The following PHF14 variants were observed in gnomAD, a reference collection of about 807,000 sequenced individuals.
PHF14 encodes PHD finger protein 14.
In PHF14, 55 loss-of-function variants were observed where a neutral mutation model predicts 117.9. The ratio of observed to expected loss-of-function variants is 0.47; its 90% CI spans 0.38 to 0.58. The LOEUF (loss-of-function observed/expected upper bound fraction) is 0.58. Ranked by LOEUF, PHF14 falls within the 20% of genes least tolerant of loss-of-function variation. The pLI, the probability that PHF14 is intolerant of heterozygous loss-of-function variation, is 0.00. For missense variants in PHF14, 978 were observed against 1,122.2 expected (o/e 0.87, Z 1.84); for synonymous variants, 409 against 368.6 (o/e 1.11, Z -1.26).
intron 16 of PHF14, among the ~76,000 whole-genome samples, chr7:11,094,338 T>G (rs367855064): frequency 6.6e-6 from 1 of 152,200 alleles, no homozygotes; most frequent in Non-Finnish European, 1.5e-5. Flanking sequence ...CTAGAGTGTT[T>G]GGGGGTAGAA....
intron 4 of PHF14, among the ~76,000 whole-genome samples, chr7:11,004,163 C>T (rs1197652351): frequency 1.4e-5 from 2 of 146,792 alleles, no homozygotes; most frequent in South Asian, 2.2e-4. Flanking sequence ...CAGAGGATCG[C>T]TTGAGCCAGG....
chr7:11,062,603 TTGA>T, intron 16 of PHF14: 2 of 716,982 alleles, frequency 2.8e-6, no homozygotes. Flanking sequence ...ATGGCCTAGG[TTGA>T]TTTTATTTTT....
intron 17 of PHF14, 81 bp from the exon 18 acceptor site, chr7:11,169,335 G>T: frequency 1.6e-6 from 1 of 631,282 alleles, no homozygotes; most frequent in Non-Finnish European, 2.8e-6. Context: ...TAGTTCTACA[G>T]ATGCAGTTAA....
chr7:10,995,260 T>A (rs1277763379), intron 4 of PHF14, among the ~76,000 whole-genome samples: 1 of 151,810 alleles, frequency 6.6e-6, no homozygotes, highest in Non-Finnish European at 1.5e-5. Context: ...GATTGGTATA[T>A]TTACAATCCC....
intron 16 of PHF14, chr7:11,106,040 G>A (rs1025185701): frequency 1.1e-4 from 108 of 984,166 alleles, no homozygotes; most frequent in Middle Eastern, 5.2e-4. Context: ...AAGCAGACAT[G>A]TTTCAGGTAT....
intron 16 of PHF14, among the ~76,000 whole-genome samples, chr7:11,093,542 T>C (rs1786726680): frequency 6.6e-6 from 1 of 152,208 alleles, no homozygotes; most frequent in South Asian, 2.1e-4. Flanking sequence ...TTTTCGTCAT[T>C]TGTACTCCCC....
At chr7:11,127,687 A>G (rs1787966031) in intron 17 of PHF14, among the ~76,000 whole-genome samples, 2 of 152,042 alleles carry the variant, frequency 1.3e-5, no homozygotes, top group South Asian at 4.1e-4. Flanking sequence ...CTCCAGTTTC[A>G]CCTTTCCTCA....
At chr7:10,975,075 A>G (rs1258644075) in intron 2 of PHF14, 130 bp downstream of exon 2, 2 of 656,210 alleles carry the variant, frequency 3.0e-6, no homozygotes, top group East Asian at 2.8e-5. Context: ...TATTTTGTCC[A>G]TTTGATTTCC....
At chr7:11,129,842 T>C (rs1788042650) in intron 17 of PHF14, among the ~76,000 whole-genome samples, 1 of 151,938 alleles carries the variant, frequency 6.6e-6, no homozygotes, top group Non-Finnish European at 1.5e-5. Flanking sequence ...TAAATGCCAT[T>C]AAGAAGTATA....
intron 4 of PHF14, chr7:11,006,988 A>T (rs1354462895): frequency 8.1e-6 from 3 of 372,288 alleles, no homozygotes; most frequent in Non-Finnish European, 1.6e-5. Flanking sequence ...CAGCCTGGTT[A>T]ATGTGGTGAA....
At chr7:10,988,694 C>G (rs1782333566) in intron 3 of PHF14, among the ~76,000 whole-genome samples, 1 of 151,990 alleles carries the variant, frequency 6.6e-6, no homozygotes. Flanking sequence ...ATTATCAGTT[C>G]ATGTTCCTCT....
intron 4 of PHF14, among the ~76,000 whole-genome samples, chr7:10,992,082 G>C (rs918681384): frequency 3.3e-5 from 5 of 151,610 alleles, no homozygotes; most frequent in African/African-American, 1.2e-4. Context: ...TTGAGACAGA[G>C]TCTTGCTCTT....
intron 16 of PHF14, among the ~76,000 whole-genome samples, chr7:11,095,936 A>C (rs1042477405): frequency 5.9e-5 from 9 of 152,074 alleles, no homozygotes; most frequent in Non-Finnish European, 1.0e-4. Context: ...CTCTACCTGT[A>C]TATAGAAGGT....
chr7:11,121,529 C>T (rs929531908), intron 17 of PHF14, among the ~76,000 whole-genome samples: 3 of 152,048 alleles, frequency 2.0e-5, no homozygotes, highest in Admixed American at 6.6e-5. Context: ...TTATTTTTTC[C>T]TAGACATGTC....
chr7:11,147,479 C>G (rs1378883845), intron 17 of PHF14, among the ~76,000 whole-genome samples: 1 of 152,172 alleles, frequency 6.6e-6, no homozygotes, highest in African/African-American at 2.4e-5. Flanking sequence ...GTCCCCATTA[C>G]TCCACTACAA....
At chr7:11,142,603 T>G (rs1421896905) in intron 17 of PHF14, among the ~76,000 whole-genome samples, 1 of 152,048 alleles carries the variant, frequency 6.6e-6, no homozygotes, top group Admixed American at 6.6e-5. Context: ...AAAGCAGTAT[T>G]TTATTAAAAA....
chr7:10,990,924 C>G, intron 4 of PHF14, 77 bp downstream of exon 4: 4 of 977,458 alleles, frequency 4.1e-6, no homozygotes, highest in Non-Finnish European at 6.0e-6. Flanking sequence ...GGTGGTTCTA[C>G]AATATTTCAT....
At chr7:10,989,460 C>G (rs907953535) in intron 3 of PHF14, among the ~76,000 whole-genome samples, 1 of 151,862 alleles carries the variant, frequency 6.6e-6, no homozygotes, top group Non-Finnish European at 1.5e-5. Flanking sequence ...TGTATGGACC[C>G]AAGTGCCATC....
chr7:11,136,431 A>G lies in PHF14; in HGVS notation c.2772+24964A>G, dbSNP rs57841461. ...TTAACCCACAAATAATATAATTACC[A>G]GAGTAAAGTATCTGTACTATGAATG... is the stretch of plus-strand genomic sequence containing the variant. On this transcript the variant is annotated intron_variant, in intron 17 of 17. Transcript: ENST00000634607. Among the ~76,000 whole-genome samples, 820 of 152,284 alleles carry G rather than the reference A, an allele frequency of 5.4e-3. 5 individuals carry two copies. Among genetic ancestry groups the G allele is most frequent in the African/African-American group, 0.019 (781 of 41,554 alleles).
Sources: allele counts gnomAD v4.1 joint callset (sites outside exome capture counted in the v4.1 genomes callset), GRCh38; gene constraint gnomAD v4.1.1; transcripts MANE v1.5; gene names NCBI Gene and HGNC (gene_info 2026-07-23, HGNC 2026-07-21).